Variants in KCNA3 observed in about 807,000 individuals in gnomAD.
The protein encoded by KCNA3 is RP11-284N8.3.
A neutral mutation model predicts 34.3 loss-of-function variants in KCNA3; 18 were observed. The observed-to-expected ratio is 0.52, with a 90% CI of 0.36 to 0.78. KCNA3 has a LOEUF of 0.78. Ranked by LOEUF, KCNA3 falls within the 30% of genes least tolerant of loss-of-function variation. The pLI is 0.00. For missense variants in KCNA3, 587 were observed against 802.5 expected (o/e 0.73, Z 3.24); for synonymous variants, 324 against 351.7 (o/e 0.92, Z 0.88).
At position 110,674,892 on chromosome 1, in the gene KCNA3, C is replaced by T. The variant is rs1398188338; in HGVS notation, c.-83G>A. On this transcript the variant is annotated 5_prime_UTR_variant, in exon 1 of 1. Transcript: ENST00000369769. The surrounding 1 kb of genome is among the most constrained non-coding windows in gnomAD (Gnocchi z 6.4). ...CCTTTCGCCGCCTCCGCCCCCGAGC[C>T]GAGCCCACCGCCTGTTGCAGCCAAA... 1.6e-6 allele frequency: 2 copies of T among 1,267,486 alleles called. No individual in the cohort carries two copies. Among genetic ancestry groups the T allele is most frequent in the Non-Finnish European group, 2.0e-6 (2 of 1,009,084 alleles). 78.5% of individuals were successfully genotyped at this position (1,267,486 alleles called of 1,614,324 possible). A position where few individuals can be genotyped will look rare whatever the true frequency, so the allele number is the denominator to read the frequency against.
chr1:110,673,152 G>A lies in KCNA3; in HGVS notation c.1658C>T (p.Thr553Ile), dbSNP rs1300736646. 1.2e-6 allele frequency: 2 copies of A among 1,614,160 alleles called. No homozygotes were observed. Among genetic ancestry groups the A allele is most frequent in the Non-Finnish European group, 1.7e-6 (2 of 1,180,020 alleles). ...PQTPFKTGNS[T>I]ATCTTNNNPN... ...ATTATTGTTCGTGGTGCAGGTGGCA[G>A]TGGAATTGCCCGTTTTGAAAGGGGT... The change falls in exon 1 of 1, where the codon ACT (threonine) becomes ATT (isoleucine). Residue 553 changes from threonine (T) to isoleucine (I), a missense_variant. By Grantham distance (89) the Thr-to-Ile change is moderately conservative. Around this residue, in one of 7 missense-constraint regions of KCNA3, gnomAD observed 95 missense variants for 107.3 expected, o/e 0.89. Coordinates refer to ENST00000369769, the MANE Select transcript of KCNA3 (RefSeq NM_002232.5). This position sits in a 1 kb window ranked among gnomAD's most constrained non-coding sequence, Gnocchi z 8.8.
chr1:110,672,855 A>G lies in KCNA3; in HGVS notation c.*227T>C, dbSNP rs1459645179. ...AGTCTGTTGTTTACAATGTTAAGAG[A>G]GAGAGGGTAAGAGGGAAAAGGAGAG... On this transcript the variant is annotated 3_prime_UTR_variant, in exon 1 of 1. Coordinates refer to ENST00000369769, the MANE Select transcript of KCNA3 (RefSeq NM_002232.5). 3.8e-6 allele frequency: 2 copies of G among 520,006 alleles called. No individual in the cohort carries two copies. Among genetic ancestry groups the G allele is most frequent in the East Asian group, 3.1e-5 (1 of 32,692 alleles). The allele number at this position is 520,006 out of a possible 1,614,324, so 32.2% of individuals were successfully genotyped here. A position where few individuals can be genotyped will look rare whatever the true frequency, so the allele number is the denominator to read the frequency against.
At chr1:110,658,805 A>G in the KCNA3 span, among the ~76,000 whole-genome samples, 1 of 152,190 alleles carries the variant, frequency 6.6e-6, no homozygotes, top group African/African-American at 2.4e-5. Flanking sequence ...TTATATATGA[A>G]CTGTTGAAAG....
Position 110,673,046 on chromosome 1 carries a change from A to T in KCNA3, c.*36T>A, listed in dbSNP as rs1651945304. On this transcript the variant is annotated 3_prime_UTR_variant, in exon 1 of 1. Transcript: ENST00000369769. This position sits in a 1 kb window ranked among gnomAD's most constrained non-coding sequence, Gnocchi z 8.8. ...GGCAGACCAAGGGGGCACGTTCCAC[A>T]CAATACTGAGCACAGCATGTCACTT... 1.3e-6 allele frequency: 2 copies of T among 1,571,176 alleles called. No individual in the cohort carries two copies. The highest frequency in any genetic ancestry group is 1.7e-6 in the Non-Finnish European group (2 of 1,156,286).
At chr1:110,670,536 A>G (rs796074472), downstream of KCNA3, among the ~76,000 whole-genome samples, 5 of 152,330 alleles carry the variant, frequency 3.3e-5, no homozygotes, top group African/African-American at 1.2e-4. Flanking sequence ...GAACAGATAC[A>G]AAAATTATTT....
At chr1:110,653,860 A>T in the KCNA3 span, 465 of 152,362 alleles carry the variant, frequency 3.1e-3, 3 homozygotes, top group African/African-American at 0.011. Context: ...CATTATCATC[A>T]CTGCTTAAGA....
At chr1:110,667,850 T>C (rs1031892973), downstream of KCNA3, among the ~76,000 whole-genome samples, 2 of 152,208 alleles carry the variant, frequency 1.3e-5, no homozygotes, top group African/African-American at 2.4e-5. Context: ...ATTTAAATTA[T>C]ACTTGCAAAC....
chr1:110,665,613 CA>C, the KCNA3 span, among the ~76,000 whole-genome samples: 1 of 152,004 alleles, frequency 6.6e-6, no homozygotes, highest in African/African-American at 2.4e-5. Flanking sequence ...GTCAGGAGCT[CA>C]GGGGAGAGAT....
chr1:110,674,875 C>A lies in KCNA3; in HGVS notation c.-66G>T. 7.9e-7 allele frequency: 1 copy of A among 1,272,062 alleles called. No homozygotes were observed. Among genetic ancestry groups the A allele is most frequent in the Non-Finnish European group, 9.9e-7 (1 of 1,011,922 alleles). The allele number at this position is 1,272,062 out of a possible 1,614,324, so 78.8% of individuals were successfully genotyped here. Reference sequence around the variant, plus strand: ...CTCCTCGCGCTCCCCGCCCTTTCGCCGCCTCCGCCCCCGAGCCGAGCCCAC... The same window carrying A: ...CTCCTCGCGCTCCCCGCCCTTTCGCAGCCTCCGCCCCCGAGCCGAGCCCAC... On this transcript the variant is annotated 5_prime_UTR_variant, in exon 1 of 1. Transcript: ENST00000369769. The surrounding 1 kb of genome is among the most constrained non-coding windows in gnomAD (Gnocchi z 6.4).
rs543492829 is a variant in KCNA3, at chr1:110,673,957, G to T, written c.853C>A (p.Arg285Ser). 1.2e-6 allele frequency: 2 copies of T among 1,613,962 alleles called. No homozygotes were observed. Among genetic ancestry groups the T allele is most frequent in the South Asian group, 1.1e-5 (1 of 91,072 alleles). ...EAAGNSTSGS[R>S]AGASSFSDPF... ...TCGGAGAAGCTGGAGGCTCCTGCGC[G>T]GGACCCCGACGTGCTGTTGCCGGCT... The change falls in exon 1 of 1, where the codon CGC becomes AGC. Residue 285 changes from arginine to serine, a missense_variant. Arg to Ser is a moderately radical substitution (Grantham distance 110). Coordinates refer to ENST00000369769, the MANE Select transcript of KCNA3 (RefSeq NM_002232.5). The surrounding 1 kb of genome is among the most constrained non-coding windows in gnomAD (Gnocchi z 8.8).
At chr1:110,662,634 G>A in the KCNA3 span, among the ~76,000 whole-genome samples, 11 of 152,066 alleles carry the variant, frequency 7.2e-5, no homozygotes, top group African/African-American at 2.7e-4. Flanking sequence ...TTCTCTGATT[G>A]AGGTCTTGAA....
Position 110,674,826 on chromosome 1 carries a change from G to T in KCNA3, c.-17C>A, listed in dbSNP as rs542420851. On this transcript the variant is annotated 5_prime_UTR_variant, in exon 1 of 1. Coordinates refer to ENST00000369769, the MANE Select transcript of KCNA3 (RefSeq NM_002232.5). The surrounding 1 kb of genome is among the most constrained non-coding windows in gnomAD (Gnocchi z 6.4). ...CTCGTCCATGCGGCGGGGAAGAGGC[G>T]GCAGCGGTGAGGCCAGGTCGCTCCT... 7.7e-7 allele frequency: 1 copy of T among 1,304,694 alleles called. No individual in the cohort carries two copies. Among genetic ancestry groups the T allele is most frequent in the African/African-American group, 1.5e-5 (1 of 64,666 alleles). 80.8% of individuals were successfully genotyped at this position (1,304,694 alleles called of 1,614,324 possible). A position where few individuals can be genotyped will look rare whatever the true frequency, so the allele number is the denominator to read the frequency against.
rs1396579642 is a variant in KCNA3, at chr1:110,674,768, GGGC to G, written c.39_41del (p.Pro14del). The stretch of plus-strand genomic sequence containing the variant: ...GAGGGTGGGCGCGGTGGCGGGCTGA[GGGC>G]GGCGGCGGCGAGCGCAGAAGGCTGA... On this transcript the variant is annotated inframe_deletion, in exon 1 of 1. Coordinates refer to ENST00000369769, the MANE Select transcript of KCNA3 (RefSeq NM_002232.5). The surrounding 1 kb of genome is among the most constrained non-coding windows in gnomAD (Gnocchi z 6.4). 7.4e-6 allele frequency: 10 copies of G among 1,346,220 alleles called. No homozygotes were observed. The South Asian group carries it at 7.9e-5, about 11-fold the overall frequency. 83.4% of individuals were successfully genotyped at this position (1,346,220 alleles called of 1,614,324 possible). A position where few individuals can be genotyped will look rare whatever the true frequency, so the allele number is the denominator to read the frequency against.
the KCNA3 span, chr1:110,654,703 GA>G: frequency 6.6e-6 from 1 of 152,130 alleles, no homozygotes; most frequent in East Asian, 1.9e-4. Context: ...ACTAAAATCT[GA>G]AAATTCCCAA....
chr1:110,657,895 T>C, the KCNA3 span, among the ~76,000 whole-genome samples: 12 of 152,230 alleles, frequency 7.9e-5, no homozygotes, highest in Non-Finnish European at 1.8e-4. Context: ...AGGATTATGT[T>C]TGCTGCAATG....
downstream of KCNA3, among the ~76,000 whole-genome samples, chr1:110,671,688 A>T (rs534139029): frequency 4.7e-4 from 71 of 150,776 alleles, no homozygotes; most frequent in South Asian, 0.015. Context: ...TTTTTTTTTT[A>T]AAGAGAAAGC....
In KCNA3 at chr1:110,672,586, A is replaced by T. The variant is rs983724128; in HGVS notation, c.*496T>A. 6.5e-6 allele frequency: 1 copy of T among 154,180 alleles called. No homozygotes were observed. The highest frequency in any genetic ancestry group is 2.4e-5 in the African/African-American group (1 of 41,464). 9.6% of individuals were successfully genotyped at this position (154,180 alleles called of 1,614,324 possible). ...TGGTGGGTTTACAAGTCATTATTCT[A>T]GTTAGACTCTTCATCCACATATCTA... On this transcript the variant is annotated 3_prime_UTR_variant, in exon 1 of 1. Coordinates refer to ENST00000369769, the MANE Select transcript of KCNA3 (RefSeq NM_002232.5).
In KCNA3 at chr1:110,674,178, A is replaced by C. The variant is rs777336728; in HGVS notation, c.632T>G (p.Leu211Trp). The change falls in exon 1 of 1, where the codon TTG (leucine) becomes TGG (tryptophan). Residue 211 changes from leucine to tryptophan, a missense_variant. By Grantham distance (61) the Leu-to-Trp change is moderately conservative. Around this residue, in one of 7 missense-constraint regions of KCNA3, gnomAD observed 341 missense variants for 355.4 expected, o/e 0.96. Coordinates refer to ENST00000369769, the MANE Select transcript of KCNA3 (RefSeq NM_002232.5). This position sits in a 1 kb window ranked among gnomAD's most constrained non-coding sequence, Gnocchi z 6.4. ...EGFLREEERP[L>W]PRRDFQRQVW... ...CTGGCGCTGGAAGTCGCGGCGGGGCAAGGGCCGCTCCTCCTCCCGCAGGAA... is the reference window on the plus strand; with the variant it reads ...CTGGCGCTGGAAGTCGCGGCGGGGCCAGGGCCGCTCCTCCTCCCGCAGGAA... The C allele has an allele frequency of 1.2e-6, 2 of 1,611,910 alleles. No individual in the cohort carries two copies. The highest frequency in any genetic ancestry group is 1.7e-6 in the Non-Finnish European group (2 of 1,178,762).
At chr1:110,663,949 A>C in the KCNA3 span, among the ~76,000 whole-genome samples, 1 of 152,234 alleles carries the variant, frequency 6.6e-6, no homozygotes, top group East Asian at 1.9e-4. Flanking sequence ...TAAATGTCAT[A>C]ATTTTAAAAT....
Sources: allele counts gnomAD v4.1 joint callset (sites outside exome capture counted in the v4.1 genomes callset), GRCh38; gene constraint gnomAD v4.1.1; regional missense constraint gnomAD v4.1.1; non-coding constraint Gnocchi (gnomAD v3.1); transcripts MANE v1.5; gene names NCBI Gene and HGNC (gene_info 2026-07-23, HGNC 2026-07-21).